Variants in KCNB2 observed in about 807,000 individuals in gnomAD.
The protein encoded by KCNB2 is delayed rectifier potassium channel protein.
A neutral mutation model predicts 61.5 loss-of-function variants in KCNB2; 15 were observed. The ratio of observed to expected loss-of-function variants is 0.24; its 90% CI spans 0.16 to 0.38. The LOEUF is 0.38. Among genes scored for constraint, KCNB2 ranks in the 10% least tolerant of loss-of-function variants. The probability of loss-of-function intolerance (pLI) is 1.00; values close to 1 mark genes in which losing one functional copy is unlikely to be tolerated. For synonymous variants in KCNB2, 457 were observed against 446.0 expected, an observed-to-expected ratio of 1.02 and a Z score of -0.31; for missense variants, 828 against 1,125.2, an observed-to-expected ratio of 0.74 and a Z score of 3.78.
At chr8:72,826,611 G>T (rs1159151801) in intron 2 of KCNB2, among the ~76,000 whole-genome samples, 1 of 152,156 alleles carries the variant, frequency 6.6e-6, no homozygotes, top group Admixed American at 6.5e-5. Flanking sequence ...GGTTACCAAG[G>T]ATGGTAAATC....
At chr8:72,651,278 A>G in intron 2 of KCNB2, among the ~76,000 whole-genome samples, 1 of 152,196 alleles carries the variant, frequency 6.6e-6, no homozygotes, top group Non-Finnish European at 1.5e-5. Context: ...ATAGTTGATT[A>G]AAGTCATTAT....
rs568288594 is a variant in KCNB2, at chr8:72,734,429, G to A, written c.579+166116G>A. Among the ~76,000 whole-genome samples the A allele has an allele frequency of 2.0e-5, 3 of 152,326 alleles. No homozygotes were observed. In the South Asian group the frequency reaches 6.2e-4, roughly 32 times the overall value. On this transcript the variant is annotated intron_variant, in intron 2 of 2. Coordinates refer to ENST00000523207, the MANE Select transcript of KCNB2 (RefSeq NM_004770.3). ...GAGCATGTATATGAAGTTACAAACT[G>A]TTGGATATAAAGGGAGGACATCTGT...
rs559854022 is a variant in KCNB2 at position 72,797,392 on chromosome 8, C to T, written c.580-138543C>T. Among the ~76,000 whole-genome samples, 33 of 152,268 alleles carry T rather than the reference C, an allele frequency of 2.2e-4. 1 individual carries two copies. In the South Asian group the frequency reaches 4.6e-3, roughly 21 times the overall value. The stretch of plus-strand genomic sequence containing the variant: ...CATAATCCTGCCAATAAATTATCTC[C>T]CAACCTGTTTGTGTAATAAAAAATT... On this transcript the variant is annotated intron_variant, in intron 2 of 2. Transcript: ENST00000523207.
intron 2 of KCNB2, among the ~76,000 whole-genome samples, chr8:72,578,323 C>T (rs1806836758): frequency 6.6e-6 from 1 of 152,010 alleles, no homozygotes; most frequent in Non-Finnish European, 1.5e-5. Context: ...TGATAATTTG[C>T]CATACTACAG....
In KCNB2 at chr8:72,857,806, A is replaced by G. The variant is rs144125998; in HGVS notation, c.580-78129A>G. On this transcript the variant is annotated intron_variant, in intron 2 of 2. Transcript: ENST00000523207. ...AACCTATTATTTTCAGGCTCTGTGC[A>G]TATATTGTCTTATTTCATTCTCCCG... Among the ~76,000 whole-genome samples, 16 of 152,342 alleles carry G rather than the reference A, an allele frequency of 1.1e-4. 1 individual carries two copies. Among genetic ancestry groups the G allele is most frequent in the African/African-American group, 3.8e-4 (16 of 41,580 alleles).
chr8:72,814,319 A>G (rs1026156833), intron 2 of KCNB2, among the ~76,000 whole-genome samples: 4 of 152,176 alleles, frequency 2.6e-5, no homozygotes, highest in Non-Finnish European at 5.9e-5. Context: ...ATTCTTGTTC[A>G]TGATTTTTTG....
intron 2 of KCNB2, among the ~76,000 whole-genome samples, chr8:72,709,162 A>T (rs954089794): frequency 6.6e-6 from 1 of 152,200 alleles, no homozygotes; most frequent in Non-Finnish European, 1.5e-5. Context: ...CTTCAGTTAA[A>T]TGTATCTAGA....
chr8:72,868,124 T>G (rs184272019), intron 2 of KCNB2, among the ~76,000 whole-genome samples: 19 of 150,018 alleles, frequency 1.3e-4, no homozygotes, highest in African/African-American at 4.6e-4. Context: ...CAGGCTAGAG[T>G]TCAATGGTGC....
At chr8:72,593,342 T>C (rs1467783847) in intron 2 of KCNB2, among the ~76,000 whole-genome samples, 1 of 152,214 alleles carries the variant, frequency 6.6e-6, no homozygotes, top group African/African-American at 2.4e-5. Flanking sequence ...CTGAATTTTG[T>C]TTTGGGAGCT....
chr8:72,734,138 A>G (rs1807798199), intron 2 of KCNB2, among the ~76,000 whole-genome samples: 1 of 152,216 alleles, frequency 6.6e-6, no homozygotes, highest in Non-Finnish European at 1.5e-5. Context: ...CAGTCTCATT[A>G]TCAACTGTAG....
intron 2 of KCNB2, among the ~76,000 whole-genome samples, chr8:72,654,398 A>T (rs539750064): frequency 6.6e-6 from 1 of 152,282 alleles, no homozygotes; most frequent in African/African-American, 2.4e-5. Context: ...TTCAGAGCAT[A>T]AAAAATGCCA....
intron 2 of KCNB2, among the ~76,000 whole-genome samples, chr8:72,795,989 T>C (rs993909032): frequency 2.6e-5 from 4 of 152,184 alleles, no homozygotes; most frequent in African/African-American, 9.7e-5. Context: ...CAGAAACCAT[T>C]GTCCAACTTG....
At chr8:72,756,398 T>A (rs1808290972) in intron 2 of KCNB2, among the ~76,000 whole-genome samples, 1 of 152,108 alleles carries the variant, frequency 6.6e-6, no homozygotes, top group Non-Finnish European at 1.5e-5. Context: ...TGAGCTTGGG[T>A]TTTATGTGAC....
At chr8:72,699,430 T>C (rs1807077342) in intron 2 of KCNB2, among the ~76,000 whole-genome samples, 1 of 120,154 alleles carries the variant, frequency 8.3e-6, no homozygotes, top group Non-Finnish European at 1.7e-5. Flanking sequence ...TGCCCACTTT[T>C]TGATGGGGTT....
At chr8:72,914,436 T>C (rs2929574) in intron 2 of KCNB2, among the ~76,000 whole-genome samples, 89,701 of 152,078 alleles carry the variant, frequency 0.59, 27,736 homozygotes, top group Middle Eastern at 0.7. Flanking sequence ...ACTTTCTAAA[T>C]TTCCTAGCCA....
intron 2 of KCNB2, among the ~76,000 whole-genome samples, chr8:72,781,782 T>C (rs1808760106): frequency 6.6e-6 from 1 of 152,112 alleles, no homozygotes; most frequent in Non-Finnish European, 1.5e-5. Flanking sequence ...TATGCAGCCA[T>C]AAAAAGGAAT....
intron 2 of KCNB2, among the ~76,000 whole-genome samples, chr8:72,722,064 G>A (rs1807558378): frequency 6.6e-6 from 1 of 152,158 alleles, no homozygotes; most frequent in Non-Finnish European, 1.5e-5. Context: ...CCTCCCTGAA[G>A]TCCCCTTGCC....
intron 1 of KCNB2, among the ~76,000 whole-genome samples, chr8:72,549,120 C>T (rs1585745281): frequency 6.6e-6 from 1 of 152,332 alleles, no homozygotes; most frequent in Non-Finnish European, 1.5e-5. Context: ...CATTCTGGCT[C>T]TTTGCAATCT....
At chr8:72,569,613 GT>G (rs918315188) in intron 2 of KCNB2, among the ~76,000 whole-genome samples, 1 of 148,480 alleles carries the variant, frequency 6.7e-6, no homozygotes, top group African/African-American at 2.6e-5. Context: ...TGGATAAGTT[GT>G]TTACTTTCAT....
Sources: allele counts gnomAD v4.1 joint callset (sites outside exome capture counted in the v4.1 genomes callset), GRCh38; gene constraint gnomAD v4.1.1; transcripts MANE v1.5; gene names NCBI Gene and HGNC (gene_info 2026-07-23, HGNC 2026-07-21).